Variants in NCKAP5L observed in about 807,000 individuals in gnomAD.
The protein encoded by NCKAP5L is NCK associated protein 5 like, also known as nck-associated protein 5-like.
In NCKAP5L, 54 loss-of-function variants were observed where a neutral mutation model predicts 103.2. The observed-to-expected ratio is 0.52, with a 90% CI of 0.42 to 0.66. The LOEUF is 0.66. Among genes scored for constraint, NCKAP5L ranks in the 30% least tolerant of loss-of-function variants. NCKAP5L has a pLI of 0.00. For missense variants in NCKAP5L, 1,733 were observed against 1,750.6 expected (o/e 0.99, Z 0.18); for synonymous variants, 762 against 748.6 (o/e 1.02, Z -0.29).
chr12:49,810,085 C>G (rs1268426453), intron 1 of NCKAP5L, among the ~76,000 whole-genome samples: 1 of 151,564 alleles, frequency 6.6e-6, no homozygotes, highest in Non-Finnish European at 1.5e-5. Flanking sequence ...CCAAAGGCCT[C>G]CAGATTTCAA....
intron 6 of NCKAP5L, among the ~76,000 whole-genome samples, chr12:49,801,610 G>T (rs1317481591): frequency 6.6e-6 from 1 of 152,160 alleles, no homozygotes; most frequent in African/African-American, 2.4e-5. Flanking sequence ...CCCACCCAAG[G>T]CAGGAGCAAG....
At chr12:49,807,821 C>T (rs1481306296) in intron 1 of NCKAP5L, among the ~76,000 whole-genome samples, 2 of 152,122 alleles carry the variant, frequency 1.3e-5, no homozygotes, top group African/African-American at 2.4e-5. Flanking sequence ...GTCCCTCAAT[C>T]CCCTCACCAT....
chr12:49,797,465 G>T lies in NCKAP5L; in HGVS notation c.466-71C>A. The T allele has an allele frequency of 8.0e-7, 1 of 1,244,168 alleles. No homozygotes were observed. Among genetic ancestry groups the T allele is most frequent in the Non-Finnish European group, 1.1e-6 (1 of 901,804 alleles). 77.1% of individuals were successfully genotyped at this position (1,244,168 alleles called of 1,614,324 possible). ...GGATCCAGTTCCAGGCCCAGGCCCT[G>T]GGCTGGCTTAACAGGGAATGCCAGG... is the stretch of plus-strand genomic sequence containing the variant. On this transcript the variant is annotated intron_variant, in intron 7 of 12. Coordinates refer to ENST00000335999, the MANE Select transcript of NCKAP5L (RefSeq NM_001037806.4). This position sits in a 1 kb window ranked among gnomAD's most constrained non-coding sequence, Gnocchi z 4.5.
Position 49,795,696 on chromosome 12 carries a change from T to G in NCKAP5L, c.2164A>C (p.Lys722Gln), listed in dbSNP as rs1394363317. The change falls in exon 8 of 13, where the codon AAG becomes CAG. Residue 722 changes from lysine (K) to glutamine (Q), a missense_variant. Physicochemically the swap from Lys to Gln is moderately conservative, Grantham distance 53 (BLOSUM62 1). Coordinates refer to ENST00000335999, the MANE Select transcript of NCKAP5L (RefSeq NM_001037806.4). The stretch of plus-strand genomic sequence containing the variant: ...GCCACTGCCCCCCGTATCCCCCCCT[T>G]GGCTTCTAGCTGCTCCAGTGGCCTG... ...IHRPLEQLEA[K>Q]GGIRGAVALG... 9.3e-6 allele frequency: 15 copies of G among 1,611,840 alleles called. No homozygotes were observed. The highest frequency in any genetic ancestry group is 1.7e-5 in the Admixed American group (1 of 59,794).
At position 49,795,001 on chromosome 12, in the gene NCKAP5L, T is replaced by A. The variant is rs757956186; in HGVS notation, c.2859A>T (p.Glu953Asp). The change falls in exon 8 of 13, where the codon GAA becomes GAT. Residue 953 changes from glutamate to aspartate, a missense_variant. By Grantham distance (45) the Glu-to-Asp change is conservative. Transcript: ENST00000335999. ...GAGGGSPLRR[E>D]VKMEARKLEA... Reference sequence around the variant, plus strand: ...CCAGCTTCCGGGCTTCCATCTTGACTTCCCTCCGGAGCGGGGAGCCCCCGC... The same window carrying A: ...CCAGCTTCCGGGCTTCCATCTTGACATCCCTCCGGAGCGGGGAGCCCCCGC... 5 of 1,598,688 alleles carry A rather than the reference T, an allele frequency of 3.1e-6. No individual in the cohort carries two copies. Among genetic ancestry groups the A allele is most frequent in the African/African-American group, 1.3e-5 (1 of 74,344 alleles).
intron 1 of NCKAP5L, among the ~76,000 whole-genome samples, chr12:49,807,402 G>A (rs1946192650): frequency 6.6e-6 from 1 of 152,132 alleles, no homozygotes; most frequent in Non-Finnish European, 1.5e-5. Flanking sequence ...TCAGTGGCAC[G>A]TTCATAGCTC....
rs756135239 is a variant in NCKAP5L at position 49,795,363 on chromosome 12, G to T, written c.2497C>A (p.Pro833Thr). The change falls in exon 8 of 13, where the codon CCG becomes ACG. Residue 833 changes from proline to threonine, a missense_variant. Pro to Thr is a conservative substitution (Grantham distance 38). Transcript: ENST00000335999. ...TTGGGGGACTCCTTGGTGACTAGCG[G>T]AGCCCCAGGTCGAGGCACCACCTTG... ...PTKVVPRPGA[P>T]LVTKESPKPD... The T allele has an allele frequency of 1.4e-5, 21 of 1,548,744 alleles. No homozygotes were observed. Among genetic ancestry groups the T allele is most frequent in the Non-Finnish European group, 1.7e-5 (20 of 1,153,892 alleles).
intron 5 of NCKAP5L, 175 bp from the exon 6 acceptor site, chr12:49,802,142 T>C (rs2137011475): frequency 4.7e-6 from 3 of 644,248 alleles, no homozygotes; most frequent in East Asian, 5.7e-5. Flanking sequence ...TTGGTAGCTA[T>C]AGCATCTTCT....
rs1172368626 is a variant in NCKAP5L at position 49,797,282 on chromosome 12, A to T, written c.578T>A (p.Val193Glu). 3.1e-6 allele frequency: 5 copies of T among 1,613,266 alleles called. No homozygotes were observed. The highest frequency in any genetic ancestry group is 3.4e-6 in the Non-Finnish European group (4 of 1,179,790). The change falls in exon 8 of 13, where the codon GTG (valine) becomes GAG (glutamate). Residue 193 changes from valine (V) to glutamate (E), a missense_variant. Transcript: ENST00000335999. This position sits in a 1 kb window ranked among gnomAD's most constrained non-coding sequence, Gnocchi z 4.5. The part of the protein sequence containing the change: ...FLRKKAQILE[V>E]LRALEETDPL... ...GTCAGTCTCTTCCAGGGCTCTCAGCACCTCCAGAATCTGGGCCTTCTTCCG... is the reference window on the plus strand; with the variant it reads ...GTCAGTCTCTTCCAGGGCTCTCAGCTCCTCCAGAATCTGGGCCTTCTTCCG...
chr12:49,793,028 GGCTCAGTCCCCGGCCTGCCTCCACTTCCC>G, intron 10 of NCKAP5L, 42 bp from the exon 11 acceptor site: 1 of 1,418,444 alleles, frequency 7.0e-7, no homozygotes, highest in Non-Finnish European at 9.4e-7. Flanking sequence ...TGTGAGGCTG[GGCTCAGTCCCCGGCCTGCCTCCACTTCCC>G]GCCCAGCCCA....
Position 49,798,463 on chromosome 12 carries a change from T to C in NCKAP5L, c.352A>G (p.Ile118Val). 6.4e-7 allele frequency: 1 copy of C among 1,571,226 alleles called. No individual in the cohort carries two copies. Among genetic ancestry groups the C allele is most frequent in the African/African-American group, 1.3e-5 (1 of 74,102 alleles). The change falls in exon 7 of 13, where the codon ATC becomes GTC. Residue 118 changes from isoleucine (I) to valine (V), a missense_variant and splice_region_variant. Ile to Val is a conservative substitution (Grantham distance 29, BLOSUM62 3). Transcript: ENST00000335999. ...LQLTTGSLPQ[I>V]PLTPLQPPSE... ...GGTGGCTGGAGTGGAGTGAGTGGGA[T>C]CTGCAGAGGGAGAGGCAGAGTTAGC...
chr12:49,803,988 C>T lies in NCKAP5L; in HGVS notation c.57G>A (p.Glu19=), dbSNP rs1946151638. The change falls in exon 3 of 13, where the codon GAG becomes GAA. Residue 19 remains glutamate, a synonymous_variant. Coordinates refer to ENST00000335999, the MANE Select transcript of NCKAP5L (RefSeq NM_001037806.4). ...AGGPGNPRPG[E]GDDGSMEPGT... is the part of the protein sequence containing the mutation. ...CTGGCTCCATGCTGCCATCATCACC[C>T]TCTCCTGGCCTTGGGTTTCCAGGAC... is the stretch of plus-strand genomic sequence containing the variant. The T allele has an allele frequency of 1.2e-6, 2 of 1,612,442 alleles. No homozygotes were observed. Among genetic ancestry groups the T allele is most frequent in the Non-Finnish European group, 1.7e-6 (2 of 1,179,970 alleles).
Position 49,795,314 on chromosome 12 carries a change from G to A in NCKAP5L, c.2546C>T (p.Pro849Leu). 6.5e-7 allele frequency: 1 copy of A among 1,530,208 alleles called. No individual in the cohort carries two copies. The highest frequency in any genetic ancestry group is 8.8e-7 in the Non-Finnish European group (1 of 1,142,140). 94.8% of individuals were successfully genotyped at this position (1,530,208 alleles called of 1,614,324 possible). A position where few individuals can be genotyped will look rare whatever the true frequency, so the allele number is the denominator to read the frequency against. The change falls in exon 8 of 13, where the codon CCC (proline) becomes CTC (leucine). Residue 849 changes from proline to leucine, a missense_variant. Pro to Leu is a moderately conservative substitution (Grantham distance 98). Coordinates refer to ENST00000335999, the MANE Select transcript of NCKAP5L (RefSeq NM_001037806.4). ...CGTGGTACTACCACAGTCTGCCCAG[G>A]GAGGGCCCTTCCCTTTGTCAGGCTT... is the stretch of plus-strand genomic sequence containing the variant. The part of the protein sequence containing the change: ...SPKPDKGKGP[P>L]WADCGSTTAQ...
chr12:49,795,142 G>A lies in NCKAP5L; in HGVS notation c.2718C>T (p.Gly906=), dbSNP rs775677894. The part of the protein sequence containing the change: ...LRLQGQERAP[G]AEVKHRNTSS... ...TGGTGTTGCGGTGCTTGACCTCGGC[G>A]CCAGGGGCTCGCTCCTGGCCCTGGA... Residue 906 remains glycine, a synonymous_variant, in exon 8 of 13, where the codon GGC becomes GGT. Coordinates refer to ENST00000335999, the MANE Select transcript of NCKAP5L (RefSeq NM_001037806.4). 45 of 1,611,050 alleles carry A rather than the reference G, an allele frequency of 2.8e-5. No individual in the cohort carries two copies. The highest frequency in any genetic ancestry group is 1.7e-4 in the Middle Eastern group (1 of 6,056).
At chr12:49,816,495 CA>C (rs1163941989) in intron 1 of NCKAP5L, among the ~76,000 whole-genome samples, 66 of 49,436 alleles carry the variant, frequency 1.3e-3, no homozygotes, top group Middle Eastern at 0.015. Flanking sequence ...TCAACCCTCT[CA>C]AAAAAAAAAA....
chr12:49,811,682 G>A (rs941006698), intron 1 of NCKAP5L, among the ~76,000 whole-genome samples: 2 of 152,042 alleles, frequency 1.3e-5, no homozygotes, highest in African/African-American at 2.4e-5. Context: ...GCTGAGGTGG[G>A]AGGATCACTT....
chr12:49,799,377 G>A (rs1028960056), intron 6 of NCKAP5L, among the ~76,000 whole-genome samples: 1 of 150,624 alleles, frequency 6.6e-6, no homozygotes, highest in Non-Finnish European at 1.5e-5. Context: ...TGGCACGACT[G>A]TAGCTCACTG....
chr12:49,793,672 T>C, intron 9 of NCKAP5L, 62 bp downstream of exon 9: 1 of 1,481,162 alleles, frequency 6.8e-7, no homozygotes, highest in Non-Finnish European at 9.0e-7. Context: ...CTCTAGGGGG[T>C]AAGAGACCTG....
intron 1 of NCKAP5L, among the ~76,000 whole-genome samples, chr12:49,816,894 C>T (rs1274892277): frequency 2.6e-5 from 4 of 151,904 alleles, no homozygotes; most frequent in East Asian, 3.9e-4. Flanking sequence ...ATTTCTGAAC[C>T]GACAAACTTA....
Sources: allele counts gnomAD v4.1 joint callset (sites outside exome capture counted in the v4.1 genomes callset), GRCh38; gene constraint gnomAD v4.1.1; non-coding constraint Gnocchi (gnomAD v3.1); transcripts MANE v1.5; gene names NCBI Gene and HGNC (gene_info 2026-07-23, HGNC 2026-07-21).